SYT1: variants seen among roughly 807,000 people sequenced by gnomAD.
SYT1 encodes synaptotagmin-1.
Under a neutral mutation model 44.8 loss-of-function variants are expected in SYT1, and 8 were observed. That is an observed-to-expected ratio of 0.18 (90% CI 0.10 to 0.32). SYT1 has a LOEUF of 0.32. SYT1 is among the 10% of genes least tolerant of loss of function. The probability of loss-of-function intolerance (pLI) is 1.00; values close to 1 mark genes in which losing one functional copy is unlikely to be tolerated. For synonymous variants in SYT1, 154 were observed against 188.8 expected, an observed-to-expected ratio of 0.82 and a Z score of 1.51; for missense variants, 286 against 509.3, an observed-to-expected ratio of 0.56 and a Z score of 4.22.
intron 3 of SYT1, among the ~76,000 whole-genome samples, chr12:79,068,240 T>C (rs1013994216): frequency 6.6e-6 from 1 of 152,196 alleles, no homozygotes; most frequent in Non-Finnish European, 1.5e-5. Context: ...ACAGCTCTAT[T>C]TCCTGCTTTC....
intron 1 of SYT1, among the ~76,000 whole-genome samples, chr12:78,966,282 A>T (rs1257648242): frequency 2.0e-5 from 3 of 151,482 alleles, no homozygotes; most frequent in Non-Finnish European, 2.9e-5. Flanking sequence ...TATTTATTGT[A>T]TTTATTTGTT....
intron 1 of SYT1, among the ~76,000 whole-genome samples, chr12:78,889,369 C>CA (rs932834187): frequency 6.6e-6 from 1 of 151,916 alleles, no homozygotes; most frequent in Non-Finnish European, 1.5e-5. Flanking sequence ...GGCAGAAATA[C>CA]AAAAAACACA....
At chr12:79,158,417 G>A (rs1468048171) in intron 3 of SYT1, among the ~76,000 whole-genome samples, 1 of 152,016 alleles carries the variant, frequency 6.6e-6, no homozygotes, top group Non-Finnish European at 1.5e-5. Flanking sequence ...GATGAAGAGG[G>A]GCTGTAAATA....
At chr12:79,210,083 A>G (rs138174590) in intron 3 of SYT1, among the ~76,000 whole-genome samples, 1 of 152,190 alleles carries the variant, frequency 6.6e-6, no homozygotes, top group Non-Finnish European at 1.5e-5. Context: ...CTATCTTACT[A>G]TGTAATCTGA....
intron 9 of SYT1, among the ~76,000 whole-genome samples, chr12:79,383,093 G>A (rs1194183282): frequency 3.9e-5 from 6 of 152,300 alleles, no homozygotes; most frequent in South Asian, 2.1e-4. Context: ...ATACAGTCAC[G>A]TGGGATACAG....
intron 6 of SYT1, among the ~76,000 whole-genome samples, chr12:79,293,325 A>AAAAATAAAATAAAATAAAAT (rs71091659): frequency 2.2e-4 from 24 of 111,504 alleles, no homozygotes; most frequent in Admixed American, 5.1e-4. Flanking sequence ...CTCCATCTCA[A>AAAAATAAAATAAAATAAAAT]AAAATAAAAT....
intron 9 of SYT1, among the ~76,000 whole-genome samples, chr12:79,397,639 G>T (rs1884923305): frequency 6.6e-6 from 1 of 152,226 alleles, no homozygotes; most frequent in African/African-American, 2.4e-5. Context: ...CAGGATCCCT[G>T]ATGCTGCAAA....
At chr12:79,352,196 C>CCA (rs1555220373) in intron 8 of SYT1, among the ~76,000 whole-genome samples, 157 of 128,194 alleles carry the variant, frequency 1.2e-3, no homozygotes, top group East Asian at 0.01. Flanking sequence ...ACCCCCCCCC[C>CCA]AAAAAAAAAA....
chr12:79,409,187 G>T (rs940352469), intron 9 of SYT1, among the ~76,000 whole-genome samples: 12 of 151,822 alleles, frequency 7.9e-5, no homozygotes, highest in African/African-American at 2.9e-4. Context: ...CTATTAATTT[G>T]GTGCAAATAT....
intron 3 of SYT1, among the ~76,000 whole-genome samples, chr12:79,049,168 G>A (rs1283899005): frequency 1.3e-5 from 2 of 151,838 alleles, no homozygotes; most frequent in African/African-American, 4.8e-5. Flanking sequence ...TTATGTATAA[G>A]TTATTTGATC....
At chr12:79,188,675 T>C (rs1872937515) in intron 3 of SYT1, among the ~76,000 whole-genome samples, 1 of 152,152 alleles carries the variant, frequency 6.6e-6, no homozygotes, top group East Asian at 1.9e-4. Flanking sequence ...TAGCTAATAC[T>C]CTTTTTTTCT....
At chr12:79,351,598 A>T (rs1432047740) in intron 8 of SYT1, among the ~76,000 whole-genome samples, 2 of 151,644 alleles carry the variant, frequency 1.3e-5, no homozygotes, top group South Asian at 2.1e-4. Flanking sequence ...GTTCATTTAC[A>T]TTTCTCTTGT....
At chr12:78,960,795 G>A (rs2137337080) in intron 1 of SYT1, 1 of 152,204 alleles carries the variant, frequency 6.6e-6, no homozygotes, top group Admixed American at 6.5e-5. Flanking sequence ...GACCTACCAT[G>A]TTTTTTTCCT....
At chr12:79,325,868 A>T (rs1240696221) in intron 8 of SYT1, among the ~76,000 whole-genome samples, 2 of 152,184 alleles carry the variant, frequency 1.3e-5, no homozygotes, top group Admixed American at 6.5e-5. Flanking sequence ...AAAACACCCA[A>T]AACTAACAAG....
intron 3 of SYT1, among the ~76,000 whole-genome samples, chr12:79,161,169 G>C (rs1034110261): frequency 1.3e-5 from 2 of 152,186 alleles, no homozygotes; most frequent in African/African-American, 4.8e-5. Flanking sequence ...GAGCCCAGGA[G>C]GCAAAGGTTG....
intron 2 of SYT1, among the ~76,000 whole-genome samples, chr12:79,041,342 C>A (rs1397664980): frequency 1.3e-5 from 2 of 152,274 alleles, no homozygotes; most frequent in African/African-American, 4.8e-5. Context: ...TCCTTCACAT[C>A]CCCTGTAAGT....
At chr12:79,279,885 A>T (rs1878952318) in intron 4 of SYT1, among the ~76,000 whole-genome samples, 3 of 152,072 alleles carry the variant, frequency 2.0e-5, no homozygotes. Context: ...ACTCAATCCC[A>T]TTTATAATAG....
intron 8 of SYT1, among the ~76,000 whole-genome samples, chr12:79,349,127 TAGGAAGGAAGAGGA>T (rs1882775560): frequency 9.9e-6 from 1 of 100,714 alleles, no homozygotes; most frequent in Non-Finnish European, 2.0e-5. Flanking sequence ...GGGAGGAAGG[TAGGAAGGAAGAGGA>T]AGGAAGGAAG....
At chr12:79,261,463 A>G (rs114096284) in intron 4 of SYT1, among the ~76,000 whole-genome samples, 1,673 of 152,276 alleles carry the variant, frequency 0.011, 30 homozygotes, top group African/African-American at 0.037. Context: ...TATTTCTTCC[A>G]AATTGTAGAG....
Sources: gnomAD v4.1 joint callset for allele counts (sites outside exome capture counted in the v4.1 genomes callset) on GRCh38, gnomAD v4.1.1 for gene constraint, MANE v1.5 for transcripts, NCBI Gene and HGNC (gene_info 2026-07-23, HGNC 2026-07-21) for gene names.